The following APBA1 variants were observed in gnomAD, a reference collection of about 807,000 sequenced individuals.
APBA1 encodes amyloid beta precursor protein binding family A member 1.
Under a neutral mutation model 86.6 loss-of-function variants are expected in APBA1, and 55 were observed. That is an observed-to-expected ratio of 0.64 (90% CI 0.51 to 0.80). The LOEUF is 0.80. APBA1 is among the 30% of genes least tolerant of loss of function. The pLI, the probability that APBA1 is intolerant of heterozygous loss-of-function variation, is 0.00. For missense variants in APBA1, 1,090 were observed against 1,183.0 expected, an observed-to-expected ratio of 0.92 and a Z score of 1.15; for synonymous variants, 511 against 493.9, an observed-to-expected ratio of 1.03 and a Z score of -0.46.
At chr9:69,495,661 G>A (rs751095412) in intron 2 of APBA1, among the ~76,000 whole-genome samples, 1 of 152,068 alleles carries the variant, frequency 6.6e-6, no homozygotes, top group African/African-American at 2.4e-5. Context: ...TCTGGCAGCA[G>A]CACCTACTAT....
chr9:69,573,224 G>C (rs925525686), intron 1 of APBA1, among the ~76,000 whole-genome samples: 15 of 152,118 alleles, frequency 9.9e-5, no homozygotes, highest in African/African-American at 3.6e-4. Context: ...GCTCCTGCTT[G>C]TAACCCCAGC....
intron 1 of APBA1, among the ~76,000 whole-genome samples, chr9:69,610,343 T>C (rs1450050703): frequency 6.6e-6 from 1 of 152,074 alleles, no homozygotes; most frequent in Non-Finnish European, 1.5e-5. Flanking sequence ...ATAAAGTACA[T>C]TGTATCCTTC....
chr9:69,594,775 A>ACTTTCCATCC lies in APBA1; in HGVS notation c.-70+77377_-70+77378insGGATGGAAAG, dbSNP rs1822197352. On this transcript the variant is annotated intron_variant, in intron 1 of 12. Coordinates refer to ENST00000265381, the MANE Select transcript of APBA1 (RefSeq NM_001163.4). ...CATTTGTAGTTCTTTTCTGATGAGT[A>ACTTTCCATCC]GACATTACCCAAGCCAATCATACAA... 2.0e-5 allele frequency among the ~76,000 whole-genome samples: 3 copies of ACTTTCCATCC among 152,178 alleles called. No homozygotes were observed. In the South Asian group the frequency reaches 6.2e-4, roughly 32 times the overall value.
intron 10 of APBA1, among the ~76,000 whole-genome samples, chr9:69,445,024 C>G (rs1834884915): frequency 6.6e-6 from 1 of 152,194 alleles, no homozygotes. Flanking sequence ...AATCTCAACC[C>G]TTCAGGCAAA....
Position 69,429,669 on chromosome 9 carries a change from CTAATCTTGTTATAGT to C in APBA1, c.*1643_*1657del, listed in dbSNP as rs1255912656. On this transcript the variant is annotated 3_prime_UTR_variant, in exon 13 of 13. Transcript: ENST00000265381. ...ACTCTCTGGTTGAAGTCTCTTGTCC[CTAATCTTGTTATAGT>C]CACTTTGCTCCCTCCTTAGAATCCC... 6.6e-6 allele frequency: 1 copy of C among 152,090 alleles called. No individual in the cohort carries two copies. The highest frequency in any genetic ancestry group is 1.5e-5 in the Non-Finnish European group (1 of 68,016). 9.4% of individuals were successfully genotyped at this position (152,090 alleles called of 1,614,324 possible).
At chr9:69,643,629 G>T (rs1823334753) in intron 1 of APBA1, among the ~76,000 whole-genome samples, 1 of 152,100 alleles carries the variant, frequency 6.6e-6, no homozygotes, top group African/African-American at 2.4e-5. Flanking sequence ...GCCCAGCCCT[G>T]CCTGGACTCT....
chr9:69,539,402 C>A (rs1170042705), intron 1 of APBA1, among the ~76,000 whole-genome samples: 1 of 152,220 alleles, frequency 6.6e-6, no homozygotes, highest in African/African-American at 2.4e-5. Flanking sequence ...TTGGCATTAT[C>A]TTTTAATCCT....
chr9:69,436,687 G>A (rs1281544068), intron 11 of APBA1, among the ~76,000 whole-genome samples: 2 of 151,510 alleles, frequency 1.3e-5, no homozygotes, highest in African/African-American at 2.4e-5. Context: ...TGAGACAGTG[G>A]GGTTTTCTAG....
At chr9:69,465,708 C>A (rs112302564) in intron 5 of APBA1, among the ~76,000 whole-genome samples, 219 of 152,320 alleles carry the variant, frequency 1.4e-3, no homozygotes, top group African/African-American at 5.2e-3. Context: ...ACTGTCTCCA[C>A]GGAGTTGTCC....
chr9:69,472,671 A>G (rs533123853), intron 3 of APBA1: 96 of 152,330 alleles, frequency 6.3e-4, no homozygotes, highest in African/African-American at 2.3e-3. Context: ...TGACTTTAAG[A>G]GGAAAGATAT....
Position 69,457,153 on chromosome 9 carries a change from A to T in APBA1, c.1516-14T>A, listed in dbSNP as rs747998982. 1.2e-6 allele frequency: 2 copies of T among 1,610,798 alleles called. No individual in the cohort carries two copies. Among genetic ancestry groups the T allele is most frequent in the African/African-American group, 2.7e-5 (2 of 74,972 alleles). The stretch of plus-strand genomic sequence containing the variant: ...GCCTTCAGGAGCCTGAGAAGAAAAA[A>T]TGCACCAAGAGAAAGTTTGACCACA... On this transcript the variant is annotated splice_polypyrimidine_tract_variant and intron_variant, in intron 6 of 12. Coordinates refer to ENST00000265381, the MANE Select transcript of APBA1 (RefSeq NM_001163.4).
At chr9:69,570,772 G>A (rs1837102658) in intron 1 of APBA1, among the ~76,000 whole-genome samples, 1 of 152,106 alleles carries the variant, frequency 6.6e-6, no homozygotes, top group Non-Finnish European at 1.5e-5. Flanking sequence ...AACATGGTAA[G>A]TGCCATATAC....
intron 1 of APBA1, among the ~76,000 whole-genome samples, chr9:69,534,796 C>T (rs149662183): frequency 0.01 from 1,550 of 152,158 alleles, 11 homozygotes; most frequent in African/African-American, 0.013. Flanking sequence ...TAACTCTATA[C>T]GATATATCAC....
rs1418643895 is a variant in APBA1 at position 69,516,692 on chromosome 9, C to T, written c.519G>A (p.Arg173=). The T allele has an allele frequency of 2.5e-6, 4 of 1,610,330 alleles. No homozygotes were observed. The highest frequency in any genetic ancestry group is 2.7e-5 in the African/African-American group (2 of 74,904). Residue 173 remains arginine, a synonymous_variant, in exon 2 of 13, where the codon CGG becomes CGA. Transcript: ENST00000265381. This position sits in a 1 kb window ranked among gnomAD's most constrained non-coding sequence, Gnocchi z 7.3. Reference sequence around the variant, plus strand: ...GCTCGTCCTCACCGCGGTGGAAGAGCCGGTGCGTGTAGACGTAGCCTGAGT... The same window carrying T: ...GCTCGTCCTCACCGCGGTGGAAGAGTCGGTGCGTGTAGACGTAGCCTGAGT... ...AAYSGYVYTH[R]LFHRGEDEPY...
chr9:69,449,436 T>C (rs113866294), intron 10 of APBA1, 148 bp downstream of exon 10: 4 of 714,482 alleles, frequency 5.6e-6, no homozygotes, highest in South Asian at 1.8e-5. Flanking sequence ...GTAAGCTTCC[T>C]GAGTGCAAGT....
intron 1 of APBA1, among the ~76,000 whole-genome samples, chr9:69,638,478 T>G (rs1336218893): frequency 6.6e-6 from 1 of 152,170 alleles, no homozygotes; most frequent in Non-Finnish European, 1.5e-5. Flanking sequence ...AGACCTCAGG[T>G]GATCTGTCCA....
chr9:69,467,721 C>T, intron 5 of APBA1, 102 bp downstream of exon 5: 1 of 1,472,662 alleles, frequency 6.8e-7, no homozygotes, highest in Non-Finnish European at 9.2e-7. Context: ...CATCTCAAAC[C>T]ACTCTCCTCT....
At chr9:69,580,047 A>C (rs925195414) in intron 1 of APBA1, among the ~76,000 whole-genome samples, 8 of 152,296 alleles carry the variant, frequency 5.3e-5, no homozygotes, top group African/African-American at 1.7e-4. Context: ...TGCAAGTTCT[A>C]ATTTAACAAC....
chr9:69,519,397 TC>T (rs1247062940), intron 1 of APBA1, among the ~76,000 whole-genome samples: 2 of 152,232 alleles, frequency 1.3e-5, no homozygotes, highest in African/African-American at 2.4e-5. Flanking sequence ...GCTACGGGCC[TC>T]CAGTGGATTA....
Sources: gnomAD v4.1 joint callset for allele counts (sites outside exome capture counted in the v4.1 genomes callset) on GRCh38, gnomAD v4.1.1 for gene constraint, Gnocchi (gnomAD v3.1) non-coding constraint, MANE v1.5 for transcripts, NCBI Gene and HGNC (gene_info 2026-07-23, HGNC 2026-07-21) for gene names.